XKR4: variants seen among roughly 807,000 people sequenced by gnomAD.
The protein encoded by XKR4 is XK related 4, also known as XK-related protein 4.
Under a neutral mutation model 53.9 loss-of-function variants are expected in XKR4, and 12 were observed. The observed-to-expected ratio is 0.22, with a 90% confidence interval of 0.14 to 0.36. XKR4 has a LOEUF of 0.36. Among genes scored for constraint, XKR4 ranks in the 10% least tolerant of loss-of-function variants. The pLI is 1.00. For synonymous variants in XKR4, 354 were observed against 362.4 expected (o/e 0.98, Z 0.26); for missense variants, 799 against 859.5 (o/e 0.93, Z 0.88).
intron 2 of XKR4, among the ~76,000 whole-genome samples, chr8:55,376,969 CACACACAG>C (rs1317758435): frequency 6.6e-6 from 1 of 151,242 alleles, no homozygotes; most frequent in Non-Finnish European, 1.5e-5. Context: ...CACACACACA[CACACACAG>C]AGAGAGAGAG....
rs549295016 is a variant in XKR4 at position 55,529,351 on chromosome 8, C to T, written c.*5124C>T. 5.3e-5 allele frequency: 8 copies of T among 152,140 alleles called. No homozygotes were observed. Among genetic ancestry groups the T allele is most frequent in the South Asian group, 2.1e-4 (1 of 4,808 alleles). The allele number at this position is 152,140 out of a possible 1,614,324, so 9.4% of individuals were successfully genotyped here. A position where few individuals can be genotyped will look rare whatever the true frequency, so the allele number is the denominator to read the frequency against. ...TGACTTAATGTCCTTGAAATATTTT[C>T]GTAATATACTGACAGCCTAATGTCA... On this transcript the variant is annotated 3_prime_UTR_variant, in exon 3 of 3. Coordinates refer to ENST00000327381, the MANE Select transcript of XKR4 (RefSeq NM_052898.2).
At chr8:55,296,139 A>C (rs547732945) in intron 1 of XKR4, among the ~76,000 whole-genome samples, 1 of 152,132 alleles carries the variant, frequency 6.6e-6, no homozygotes, top group Non-Finnish European at 1.5e-5. Context: ...CACCTCCACC[A>C]TGTGATGTTG....
intron 2 of XKR4, among the ~76,000 whole-genome samples, chr8:55,460,011 G>GAAAAAAAAA (rs34496086): frequency 1.5e-5 from 2 of 134,042 alleles, no homozygotes; most frequent in Non-Finnish European, 3.2e-5. Flanking sequence ...GCCAAATGCT[G>GAAAAAAAAA]AAAAAAAAAA....
intron 2 of XKR4, among the ~76,000 whole-genome samples, chr8:55,476,893 G>A (rs1230088657): frequency 3.3e-5 from 5 of 152,202 alleles, no homozygotes; most frequent in African/African-American, 1.2e-4. Context: ...AAAGCAGCCG[G>A]GAAGCTCGAA....
intron 1 of XKR4, among the ~76,000 whole-genome samples, chr8:55,169,366 C>T (rs530550462): frequency 6.6e-6 from 1 of 152,336 alleles, no homozygotes; most frequent in South Asian, 2.1e-4. Context: ...CAGTAATGCC[C>T]ATCCGTGGTT....
chr8:55,126,908 A>T (rs533147583), intron 1 of XKR4, among the ~76,000 whole-genome samples: 2 of 152,336 alleles, frequency 1.3e-5, no homozygotes, highest in South Asian at 4.1e-4. Context: ...ATAACTTGCT[A>T]TTTTCAAAAA....
At chr8:55,368,682 C>A (rs1349573092) in intron 2 of XKR4, among the ~76,000 whole-genome samples, 3 of 152,138 alleles carry the variant, frequency 2.0e-5, no homozygotes, top group Non-Finnish European at 4.4e-5. Context: ...ATTCTCATCA[C>A]CTTTACTAGA....
chr8:55,135,767 C>T (rs915163115), intron 1 of XKR4: 1 of 356,154 alleles, frequency 2.8e-6, no homozygotes, highest in Middle Eastern at 6.0e-4. Context: ...GGCCGGTGCA[C>T]TCACACCCTT....
intron 1 of XKR4, among the ~76,000 whole-genome samples, chr8:55,321,369 C>A (rs1768582392): frequency 6.6e-6 from 1 of 152,182 alleles, no homozygotes; most frequent in Non-Finnish European, 1.5e-5. Context: ...AAAGTGTTGT[C>A]TACACTTATT....
intron 1 of XKR4, among the ~76,000 whole-genome samples, chr8:55,202,895 GCC>G (rs60086794): frequency 0.043 from 6,562 of 152,294 alleles, 465 homozygotes; most frequent in African/African-American, 0.15. Flanking sequence ...CTGCAGAGCA[GCC>G]CTGCTGGCTC....
chr8:55,454,815 G>C, intron 2 of XKR4: 4 of 767,528 alleles, frequency 5.2e-6, no homozygotes, highest in Non-Finnish European at 9.7e-6. Flanking sequence ...CTCTGTGGGC[G>C]ACAGGTGCGT....
chr8:55,465,358 A>C (rs549432116), intron 2 of XKR4, among the ~76,000 whole-genome samples: 13 of 152,186 alleles, frequency 8.5e-5, no homozygotes, highest in Middle Eastern at 3.4e-3. Context: ...TGATCTTTGA[A>C]AAACCTGAGA....
chr8:55,368,628 T>C (rs1161448719), intron 2 of XKR4, among the ~76,000 whole-genome samples: 6 of 152,186 alleles, frequency 3.9e-5, no homozygotes, highest in African/African-American at 1.4e-4. Context: ...CGTGATTTTC[T>C]CTTTGGACTT....
At chr8:55,329,625 G>T (rs1476684685) in intron 1 of XKR4, among the ~76,000 whole-genome samples, 1 of 152,150 alleles carries the variant, frequency 6.6e-6, no homozygotes, top group Non-Finnish European at 1.5e-5. Flanking sequence ...CCTAGTTCTT[G>T]TTTACTGGCG....
chr8:55,250,479 C>T (rs888334749), intron 1 of XKR4, among the ~76,000 whole-genome samples: 2 of 152,188 alleles, frequency 1.3e-5, no homozygotes, highest in South Asian at 2.1e-4. Flanking sequence ...TTTAGGGCTT[C>T]ATAAGAGGCT....
rs60244265 is a variant in XKR4 at position 55,475,579 on chromosome 8, CTTATTTAT to C, written c.1007-47667_1007-47660del. ...CTATAGGTGTGCACCACCATGCTCACTTATTTATTTATTTATTTATTTATTTATTTATT... is the reference window on the plus strand; with the variant it reads ...CTATAGGTGTGCACCACCATGCTCACTTATTTATTTATTTATTTATTTATT... On this transcript the variant is annotated intron_variant, in intron 2 of 2. Coordinates refer to ENST00000327381, the MANE Select transcript of XKR4 (RefSeq NM_052898.2). Among the ~76,000 whole-genome samples the C allele has an allele frequency of 2.1e-3, 293 of 137,444 alleles. 3 individuals carry two copies. Among genetic ancestry groups the C allele is most frequent in the African/African-American group, 5.3e-3 (177 of 33,382 alleles). 90.2% of individuals were successfully genotyped at this position (137,444 alleles called of 152,430 possible). A position where few individuals can be genotyped will look rare whatever the true frequency, so the allele number is the denominator to read the frequency against.
chr8:55,408,804 C>T (rs548413492), intron 2 of XKR4, among the ~76,000 whole-genome samples: 63 of 152,072 alleles, frequency 4.1e-4, no homozygotes, highest in Non-Finnish European at 7.2e-4. Flanking sequence ...GTCAGGAGTT[C>T]GAGACAAGCC....
intron 2 of XKR4, among the ~76,000 whole-genome samples, chr8:55,486,238 T>G (rs1051730128): frequency 1.3e-5 from 2 of 152,194 alleles, no homozygotes; most frequent in Non-Finnish European, 1.5e-5. Context: ...AATATTAATA[T>G]CATGACAGAA....
Position 55,314,232 on chromosome 8 carries a change from C to T in XKR4, c.807-43446C>T, listed in dbSNP as rs539782281. ...TGTGAGTCAAATTATGAGCCAAACT[C>T]GTGCCAAAAGCTGGCAGACAGACAC... On this transcript the variant is annotated intron_variant, in intron 1 of 2. Coordinates refer to ENST00000327381, the MANE Select transcript of XKR4 (RefSeq NM_052898.2). Among the ~76,000 whole-genome samples, 6 of 152,292 alleles carry T rather than the reference C, an allele frequency of 3.9e-5. No individual in the cohort carries two copies. In the South Asian group the frequency reaches 1.2e-3, roughly 32 times the overall value.
Sources: gnomAD v4.1 joint callset for allele counts (sites outside exome capture counted in the v4.1 genomes callset) on GRCh38, gnomAD v4.1.1 for gene constraint, MANE v1.5 for transcripts, NCBI Gene and HGNC (gene_info 2026-07-23, HGNC 2026-07-21) for gene names.